The following ATP6V1C1 variants were observed in gnomAD, a reference collection of about 807,000 sequenced individuals.
The protein encoded by ATP6V1C1 is V-type proton ATPase subunit C 1.
A neutral mutation model predicts 53.9 loss-of-function variants in ATP6V1C1; 45 were observed. The ratio of observed to expected loss-of-function variants is 0.83; its 90% CI spans 0.66 to 1.07. The LOEUF (loss-of-function observed/expected upper bound fraction) is 1.07, where lower values mean the gene tolerates loss of function less well. Ranked by LOEUF, ATP6V1C1 falls within the 50% of genes least tolerant of loss-of-function variation. The probability of loss-of-function intolerance (pLI) is 0.00; values close to 1 mark genes in which losing one functional copy is unlikely to be tolerated. For missense variants in ATP6V1C1, 315 were observed against 440.3 expected (o/e 0.72, Z 2.55); for synonymous variants, 153 against 155.2 (o/e 0.99, Z 0.11).
At chr8:103,066,502 AT>A in intron 12 of ATP6V1C1, 55 bp downstream of exon 12, 2 of 1,485,002 alleles carry the variant, frequency 1.3e-6, no homozygotes, top group Non-Finnish European at 1.8e-6. Context: ...CAGAAAAAAA[AT>A]GATTGAAAGA....
chr8:103,067,565 C>T (rs1278767925), intron 12 of ATP6V1C1, among the ~76,000 whole-genome samples: 5 of 146,750 alleles, frequency 3.4e-5, no homozygotes, highest in Non-Finnish European at 6.0e-5. Flanking sequence ...GAAGGAAATG[C>T]GGGAAATGAC....
intron 8 of ATP6V1C1, among the ~76,000 whole-genome samples, chr8:103,058,983 A>ATT (rs367688530): frequency 0.087 from 11,978 of 137,484 alleles, 605 homozygotes; most frequent in Non-Finnish European, 0.11. Context: ...CCACTTTCCT[A>ATT]TTTTTTTTTT....
At chr8:103,045,929 T>C (rs923716268) in intron 3 of ATP6V1C1, among the ~76,000 whole-genome samples, 1 of 150,500 alleles carries the variant, frequency 6.6e-6, no homozygotes, top group African/African-American at 2.4e-5. Flanking sequence ...TGACAGAGCG[T>C]GACTCCGTTT....
chr8:103,042,555 A>C (rs1281096793), intron 3 of ATP6V1C1, 148 bp downstream of exon 3: 2 of 683,218 alleles, frequency 2.9e-6, no homozygotes, highest in African/African-American at 3.6e-5. Flanking sequence ...CAATTTTATG[A>C]AGGTACAATT....
chr8:103,045,293 G>A (rs1189999025), intron 3 of ATP6V1C1, among the ~76,000 whole-genome samples: 2 of 152,202 alleles, frequency 1.3e-5, no homozygotes, highest in Non-Finnish European at 2.9e-5. Flanking sequence ...ACTGAGGTCA[G>A]GGTTACAGAG....
chr8:103,068,655 C>G lies in ATP6V1C1; in HGVS notation c.1057C>G (p.Pro353Ala). The change falls in exon 13 of 13, where the codon CCT (proline) becomes GCT (alanine). Residue 353 changes from proline (P) to alanine (A), a missense_variant. Coordinates refer to ENST00000518738, the MANE Select transcript of ATP6V1C1 (RefSeq NM_001695.5). The stretch of plus-strand genomic sequence containing the variant: ...TAATTGTCTGTTTTTTCCATAGGCT[C>G]CTATGGATATTCCAGGTTTAAACCT... ...DSSAAAIIDA[P>A]MDIPGLNLSQ... 1 of 1,601,104 alleles carries G rather than the reference C, an allele frequency of 6.2e-7. No individual in the cohort carries two copies. The highest frequency in any genetic ancestry group is 1.3e-5 in the African/African-American group (1 of 74,352).
intron 1 of ATP6V1C1, among the ~76,000 whole-genome samples, chr8:103,033,941 CTA>C (rs1816844874): frequency 6.6e-6 from 1 of 152,132 alleles, no homozygotes; most frequent in African/African-American, 2.4e-5. Flanking sequence ...TGGAGTAGGA[CTA>C]CATATTGGGG....
At position 103,053,895 on chromosome 8, in the gene ATP6V1C1, T is replaced by C; in HGVS notation, c.485T>C (p.Leu162Pro). The C allele has an allele frequency of 6.2e-7, 1 of 1,610,982 alleles. No homozygotes were observed. The highest frequency in any genetic ancestry group is 8.5e-7 in the Non-Finnish European group (1 of 1,178,296). The change falls in exon 7 of 13, where the codon CTA (leucine) becomes CCA (proline). Residue 162 changes from leucine (L) to proline (P), a missense_variant. By Grantham distance (98) the Leu-to-Pro change is moderately conservative. Coordinates refer to ENST00000518738, the MANE Select transcript of ATP6V1C1 (RefSeq NM_001695.5). ...TTTTAATTCCTCAGAGGAAGTTTGCTAACTAGAAGTCTAGCAGAAATTGTG... is the reference window on the plus strand; with the variant it reads ...TTTTAATTCCTCAGAGGAAGTTTGCCAACTAGAAGTCTAGCAGAAATTGTG... ...NLERKNAGSL[L>P]TRSLAEIVKK...
At chr8:103,029,154 G>GA (rs1816749375) in intron 1 of ATP6V1C1, among the ~76,000 whole-genome samples, 1 of 151,468 alleles carries the variant, frequency 6.6e-6, no homozygotes. Flanking sequence ...TCTTTCTTAA[G>GA]ATCGGCATAG....
chr8:103,045,897 C>G (rs1033209307), intron 3 of ATP6V1C1, among the ~76,000 whole-genome samples: 1 of 151,450 alleles, frequency 6.6e-6, no homozygotes, highest in East Asian at 1.9e-4. Flanking sequence ...GCTGAGGTAG[C>G]GCCACTGCAC....
intron 3 of ATP6V1C1, among the ~76,000 whole-genome samples, chr8:103,048,254 A>AT (rs1017776003): frequency 1.3e-5 from 2 of 152,176 alleles, no homozygotes; most frequent in South Asian, 4.1e-4. Context: ...AGTTTTTGCC[A>AT]TTTTTTTCCC....
intron 1 of ATP6V1C1, among the ~76,000 whole-genome samples, chr8:103,029,549 T>C (rs1390762606): frequency 1.3e-5 from 2 of 152,184 alleles, no homozygotes; most frequent in East Asian, 3.8e-4. Context: ...ATTACAGGCA[T>C]GAGCCACTGC....
At chr8:103,039,600 G>A (rs1816958540) in intron 1 of ATP6V1C1, among the ~76,000 whole-genome samples, 1 of 152,142 alleles carries the variant, frequency 6.6e-6, no homozygotes. Flanking sequence ...TGGTTCTCAT[G>A]AAGGCAGATT....
chr8:103,052,670 GTA>G (rs1817220914), intron 5 of ATP6V1C1, 59 bp from the exon 6 acceptor site: 1 of 954,718 alleles, frequency 1.0e-6, no homozygotes, highest in Non-Finnish European at 1.5e-6. Flanking sequence ...TACTTTGATA[GTA>G]TTAGTAGAGG....
At chr8:103,056,906 T>C (rs1190014249) in intron 8 of ATP6V1C1, among the ~76,000 whole-genome samples, 1 of 151,980 alleles carries the variant, frequency 6.6e-6, no homozygotes, top group Non-Finnish European at 1.5e-5. Context: ...CTTAGTATGA[T>C]GGAAAGAGTC....
intron 2 of ATP6V1C1, among the ~76,000 whole-genome samples, chr8:103,041,543 G>A (rs1017745969): frequency 1.3e-4 from 20 of 151,818 alleles, no homozygotes; most frequent in African/African-American, 3.6e-4. Flanking sequence ...GAATGAGGGA[G>A]TCGTAGGCAG....
intron 4 of ATP6V1C1, among the ~76,000 whole-genome samples, chr8:103,049,296 G>A (rs1001545712): frequency 2.0e-5 from 3 of 152,186 alleles, no homozygotes; most frequent in Non-Finnish European, 1.5e-5. Context: ...GTATATCTCA[G>A]CATTGTTCCA....
At position 103,061,250 on chromosome 8, in the gene ATP6V1C1, G is replaced by A. The variant is rs187343258; in HGVS notation, c.642-1705G>A. Among the ~76,000 whole-genome samples, 12 of 152,212 alleles carry A rather than the reference G, an allele frequency of 7.9e-5. No homozygotes were observed. The East Asian group carries it at 1.9e-3, about 24-fold the overall frequency. Reference sequence around the variant, plus strand: ...ACTTGAGTTTTCTCTGCATGTCAGCGATTACAGTGATCAGTACTCCTGGAG... The same window carrying A: ...ACTTGAGTTTTCTCTGCATGTCAGCAATTACAGTGATCAGTACTCCTGGAG... On this transcript the variant is annotated intron_variant, in intron 8 of 12. Coordinates refer to ENST00000518738, the MANE Select transcript of ATP6V1C1 (RefSeq NM_001695.5).
chr8:103,049,407 C>T (rs923735840), intron 4 of ATP6V1C1, among the ~76,000 whole-genome samples: 10 of 152,104 alleles, frequency 6.6e-5, no homozygotes, highest in African/African-American at 2.4e-4. Flanking sequence ...AATAGTGCCC[C>T]CTCAGTATGA....
Sources: gnomAD v4.1 joint callset for allele counts (sites outside exome capture counted in the v4.1 genomes callset) on GRCh38, gnomAD v4.1.1 for gene constraint, MANE v1.5 for transcripts, NCBI Gene and HGNC (gene_info 2026-07-23, HGNC 2026-07-21) for gene names.